Variants in RFX3 observed in about 807,000 individuals in gnomAD.
The protein encoded by RFX3 is transcription factor RFX3.
Under a neutral mutation model 98.6 loss-of-function variants are expected in RFX3, and 14 were observed. The observed-to-expected ratio is 0.14, with a 90% CI of 0.09 to 0.22. The LOEUF is 0.22. RFX3 is among the 10% of genes least tolerant of loss of function. The pLI is 1.00. For synonymous variants in RFX3, 383 were observed against 328.4 expected (o/e 1.17, Z -1.80); for missense variants, 639 against 926.9 (o/e 0.69, Z 4.03).
At chr9:3,350,550 A>G (rs12351592) in intron 2 of RFX3, among the ~76,000 whole-genome samples, 7,264 of 152,164 alleles carry the variant, frequency 0.048, 526 homozygotes, top group African/African-American at 0.15. Context: ...TGATCCAGTA[A>G]TCATGTTCCC....
chr9:3,440,231 A>G (rs915215946), intron 1 of RFX3, among the ~76,000 whole-genome samples: 4 of 152,058 alleles, frequency 2.6e-5, no homozygotes, highest in Admixed American at 2.0e-4. Context: ...CTTCTATTCA[A>G]TACTGTGCTG....
chr9:3,262,111 T>C (rs2131204197), intron 13 of RFX3, among the ~76,000 whole-genome samples: 1 of 152,344 alleles, frequency 6.6e-6, no homozygotes, highest in African/African-American at 2.4e-5. Context: ...ACATTCTTGA[T>C]GGTCTCTTTT....
At chr9:3,247,049 C>G (rs1372675915) in intron 15 of RFX3, 29 of 980,382 alleles carry the variant, frequency 3.0e-5, no homozygotes, top group Admixed American at 6.2e-5. Flanking sequence ...TGTTTTCACT[C>G]TTTTTTATTT....
chr9:3,451,992 G>A (rs1204364570), intron 1 of RFX3, among the ~76,000 whole-genome samples: 1 of 152,050 alleles, frequency 6.6e-6, no homozygotes, highest in African/African-American at 2.4e-5. Flanking sequence ...TGCTGAAGTA[G>A]AATTGGAAAA....
At chr9:3,254,363 C>T (rs1821825486) in intron 14 of RFX3, among the ~76,000 whole-genome samples, 1 of 151,706 alleles carries the variant, frequency 6.6e-6, no homozygotes, top group Admixed American at 6.6e-5. Flanking sequence ...AAGCACCTTG[C>T]TTTTTTGGAT....
chr9:3,314,375 C>A (rs1830324860), intron 4 of RFX3, among the ~76,000 whole-genome samples: 1 of 152,276 alleles, frequency 6.6e-6, no homozygotes, highest in Non-Finnish European at 1.5e-5. Flanking sequence ...GAAGGAAGCA[C>A]TGAACATGGA....
At chr9:3,422,926 A>T (rs1178403061) in intron 1 of RFX3, among the ~76,000 whole-genome samples, 1 of 152,094 alleles carries the variant, frequency 6.6e-6, no homozygotes, top group Non-Finnish European at 1.5e-5. Context: ...ATAATTAAAA[A>T]CCTCTATAAA....
At position 3,519,989 on chromosome 9, in the gene RFX3, A is replaced by C. The variant is rs527457835; in HGVS notation, c.-9+5758T>G. On this transcript the variant is annotated intron_variant, in intron 1 of 16. Transcript: ENST00000617270. ...TTTTAAAATGATGGCAACAGCCTGT[A>C]GTCCTAGCTACTCAGGAGGCTGTGG... Among the ~76,000 whole-genome samples the C allele has an allele frequency of 3.7e-4, 57 of 152,306 alleles. 1 individual carries two copies. The highest frequency in any genetic ancestry group is 1.3e-3 in the African/African-American group (56 of 41,580).
chr9:3,390,537 C>T (rs1206301665), intron 2 of RFX3, among the ~76,000 whole-genome samples: 2 of 152,086 alleles, frequency 1.3e-5, no homozygotes, highest in Non-Finnish European at 2.9e-5. Flanking sequence ...ATTGCTATGT[C>T]CCCACCCAAG....
At chr9:3,247,366 G>C (rs1820818179) in intron 15 of RFX3, 1 of 975,148 alleles carries the variant, frequency 1.0e-6, no homozygotes, top group African/African-American at 1.8e-5. Context: ...ATATGGGTTT[G>C]AAAATCAGAC....
At chr9:3,315,029 A>G (rs1167570561) in intron 4 of RFX3, among the ~76,000 whole-genome samples, 5 of 152,216 alleles carry the variant, frequency 3.3e-5, no homozygotes, top group African/African-American at 9.6e-5. Flanking sequence ...CAGACCTAAT[A>G]GACATCTACA....
At chr9:3,280,170 A>G (rs1825751774) in intron 7 of RFX3, among the ~76,000 whole-genome samples, 1 of 151,830 alleles carries the variant, frequency 6.6e-6, no homozygotes, top group African/African-American at 2.4e-5. Context: ...TTGCTTGGCT[A>G]CAGGACCTCT....
At chr9:3,238,047 C>G (rs900426399) in intron 15 of RFX3, among the ~76,000 whole-genome samples, 2 of 151,768 alleles carry the variant, frequency 1.3e-5, no homozygotes, top group African/African-American at 4.8e-5. Context: ...AATATATGAA[C>G]AGACAGTTCA....
intron 1 of RFX3, among the ~76,000 whole-genome samples, chr9:3,502,585 T>A (rs1816147308): frequency 6.6e-6 from 1 of 152,182 alleles, no homozygotes; most frequent in Non-Finnish European, 1.5e-5. Context: ...AACACTAAAT[T>A]TGAAAAATTA....
chr9:3,368,870 A>G (rs1405001292), intron 2 of RFX3, among the ~76,000 whole-genome samples: 1 of 152,252 alleles, frequency 6.6e-6, no homozygotes, highest in Non-Finnish European at 1.5e-5. Context: ...TTGCAAAAAC[A>G]GTGGTAATTC....
intron 4 of RFX3, among the ~76,000 whole-genome samples, chr9:3,317,124 C>A (rs1391979241): frequency 6.6e-6 from 1 of 152,130 alleles, no homozygotes; most frequent in Non-Finnish European, 1.5e-5. Flanking sequence ...AACTATACTA[C>A]AAGGCTACAG....
intron 1 of RFX3, among the ~76,000 whole-genome samples, chr9:3,524,000 C>T (rs917224300): frequency 6.6e-6 from 1 of 152,178 alleles, no homozygotes; most frequent in Non-Finnish European, 1.5e-5. Context: ...CCACCCTGCT[C>T]GTTGACAATC....
intron 4 of RFX3, among the ~76,000 whole-genome samples, chr9:3,312,578 A>T (rs3012701): frequency 0.12 from 18,913 of 152,050 alleles, 1,223 homozygotes; most frequent in Middle Eastern, 0.19. Flanking sequence ...TCAATTAAAA[A>T]AAAAAAAAAA....
In RFX3 at chr9:3,317,339, T is replaced by C. The variant is rs181540880; in HGVS notation, c.474+12920A>G. On this transcript the variant is annotated intron_variant, in intron 4 of 16. Transcript: ENST00000617270. Reference sequence around the variant, plus strand: ...ACATGTAGAAAGCTGAAACTGGATCTCTTCCTTACACCTTATGCAAAAATT... The same window carrying C: ...ACATGTAGAAAGCTGAAACTGGATCCCTTCCTTACACCTTATGCAAAAATT... Among the ~76,000 whole-genome samples, 295 of 152,238 alleles carry C rather than the reference T, an allele frequency of 1.9e-3. 3 individuals are homozygous for C. Among genetic ancestry groups the C allele is most frequent in the African/African-American group, 6.5e-3 (271 of 41,560 alleles).
Sources: gnomAD v4.1 joint callset for allele counts (sites outside exome capture counted in the v4.1 genomes callset) on GRCh38, gnomAD v4.1.1 for gene constraint, MANE v1.5 for transcripts, NCBI Gene and HGNC (gene_info 2026-07-23, HGNC 2026-07-21) for gene names.